KAZN: variants seen among roughly 807,000 people sequenced by gnomAD.
The protein encoded by KAZN is kazrin, periplakin interacting protein, also known as kazrin.
Under a neutral mutation model 87.4 loss-of-function variants are expected in KAZN, and 40 were observed. The ratio of observed to expected loss-of-function variants is 0.46; its 90% confidence interval spans 0.36 to 0.60. The LOEUF (loss-of-function observed/expected upper bound fraction) is 0.60, where lower values mean the gene tolerates loss of function less well. Among genes scored for constraint, KAZN ranks in the 20% least tolerant of loss-of-function variants. The probability of loss-of-function intolerance (pLI) is 0.00; values close to 1 mark genes in which losing one functional copy is unlikely to be tolerated. For synonymous variants in KAZN, 466 were observed against 458.3 expected (o/e 1.02, Z -0.22); for missense variants, 898 against 1,073.9 (o/e 0.84, Z 2.29).
chr1:14,507,383 G>A (rs1204957537), intron 2 of KAZN, among the ~76,000 whole-genome samples: 1 of 152,134 alleles, frequency 6.6e-6, no homozygotes, highest in African/African-American at 2.4e-5. Flanking sequence ...CAGCTGCTCG[G>A]AGAAGTAAAA....
At chr1:14,544,891 C>T (rs970982799) in intron 2 of KAZN, among the ~76,000 whole-genome samples, 3 of 152,052 alleles carry the variant, frequency 2.0e-5, no homozygotes, top group African/African-American at 7.2e-5. Flanking sequence ...TGATGCCCAG[C>T]CCAGCCTTCT....
intron 2 of KAZN, among the ~76,000 whole-genome samples, chr1:14,518,470 C>A (rs1483638836): frequency 6.6e-6 from 1 of 152,150 alleles, no homozygotes; most frequent in Non-Finnish European, 1.5e-5. Flanking sequence ...AGCCACTGCA[C>A]CCAGCCTGTT....
chr1:14,312,117 GA>G (rs1655346628), intron 2 of KAZN, among the ~76,000 whole-genome samples: 1 of 151,178 alleles, frequency 6.6e-6, no homozygotes, highest in Non-Finnish European at 1.5e-5. Flanking sequence ...AAGCCATTTA[GA>G]GTATGCTACA....
intron 1 of KAZN, among the ~76,000 whole-genome samples, chr1:14,145,587 T>C (rs1474409007): frequency 1.4e-5 from 2 of 144,112 alleles, no homozygotes; most frequent in Non-Finnish European, 3.1e-5. Flanking sequence ...ACAGTATACC[T>C]TTTTTTTTTT....
intron 1 of KAZN, among the ~76,000 whole-genome samples, chr1:14,743,585 C>T (rs1445557192): frequency 6.6e-6 from 1 of 152,154 alleles, no homozygotes; most frequent in African/African-American, 2.4e-5. Flanking sequence ...GGTTCCCAGA[C>T]ATGATGAGTC....
In KAZN at chr1:14,626,117, C is replaced by A. The variant is rs111897939; in HGVS notation, c.226+26894C>A. Among the ~76,000 whole-genome samples, 1,394 of 152,292 alleles carry A rather than the reference C, an allele frequency of 9.2e-3. 24 individuals are homozygous for A. The highest frequency in any genetic ancestry group is 0.031 in the African/African-American group (1,268 of 41,558). ...TGGGGCTGCGGAATTCTGGCCCCAG[C>A]CAACTGGACTGAGCCCTGCTGAGAG... On this transcript the variant is annotated intron_variant, in intron 1 of 14. Coordinates refer to ENST00000376030, the MANE Select transcript of KAZN (RefSeq NM_201628.3).
At chr1:14,447,801 A>C (rs1308346553) in intron 2 of KAZN, among the ~76,000 whole-genome samples, 2 of 152,104 alleles carry the variant, frequency 1.3e-5, no homozygotes, top group African/African-American at 4.8e-5. Context: ...CAACAACATC[A>C]AAGGGTGGAT....
intron 3 of KAZN, among the ~76,000 whole-genome samples, chr1:15,042,465 GA>G: frequency 6.6e-6 from 1 of 152,210 alleles, no homozygotes; most frequent in East Asian, 1.9e-4. Context: ...CTTCTCAGAG[GA>G]GGAGACAATT....
At chr1:15,110,115 GTGT>G (rs1641476419) in intron 13 of KAZN, among the ~76,000 whole-genome samples, 1 of 103,066 alleles carries the variant, frequency 9.7e-6, no homozygotes, top group Non-Finnish European at 2.2e-5. Flanking sequence ...GTATTTGTGT[GTGT>G]ATTTGTGTAT....
At chr1:14,023,022 C>G (rs1640918378) in intron 1 of KAZN, among the ~76,000 whole-genome samples, 1 of 152,150 alleles carries the variant, frequency 6.6e-6, no homozygotes, top group Non-Finnish European at 1.5e-5. Context: ...AAAATGTCAA[C>G]AGTACTCATT....
chr1:14,193,669 T>G (rs1433584603), intron 2 of KAZN, among the ~76,000 whole-genome samples: 6 of 152,106 alleles, frequency 3.9e-5, no homozygotes, highest in South Asian at 2.1e-4. Flanking sequence ...GTGTTTTTTT[T>G]TTTTTTTTTT....
chr1:14,627,472 C>G (rs1557847319), intron 1 of KAZN, among the ~76,000 whole-genome samples: 2 of 152,116 alleles, frequency 1.3e-5, no homozygotes, highest in African/African-American at 4.8e-5. Context: ...CTGCACAGGC[C>G]TGATACGATC....
At chr1:14,667,270 T>A (rs1170704815) in intron 1 of KAZN, among the ~76,000 whole-genome samples, 1 of 151,874 alleles carries the variant, frequency 6.6e-6, no homozygotes, top group Admixed American at 6.6e-5. Flanking sequence ...TAGAACAGAG[T>A]CCATCAGCAT....
intron 1 of KAZN, among the ~76,000 whole-genome samples, chr1:14,880,189 C>T (rs1232664130): frequency 6.6e-6 from 1 of 152,162 alleles, no homozygotes; most frequent in Non-Finnish European, 1.5e-5. Flanking sequence ...ATGATAATGG[C>T]AACTATACTA....
intron 1 of KAZN, among the ~76,000 whole-genome samples, chr1:14,015,189 C>A (rs917937717): frequency 2.6e-5 from 4 of 152,080 alleles, no homozygotes; most frequent in African/African-American, 9.7e-5. Context: ...CTACTGGTGG[C>A]CAACATTATG....
chr1:14,037,660 G>T (rs1282136387), intron 1 of KAZN, among the ~76,000 whole-genome samples: 2 of 152,174 alleles, frequency 1.3e-5, no homozygotes, highest in Non-Finnish European at 2.9e-5. Context: ...AGAAGCAGCT[G>T]TCAGCATGTC....
intron 2 of KAZN, among the ~76,000 whole-genome samples, chr1:14,971,127 A>G (rs1557672747): frequency 1.3e-5 from 2 of 152,106 alleles, no homozygotes; most frequent in African/African-American, 4.8e-5. Flanking sequence ...GCCGGATGCA[A>G]TGGCTCATGC....
intron 2 of KAZN, among the ~76,000 whole-genome samples, chr1:14,258,674 T>C (rs1338659767): frequency 6.6e-6 from 1 of 152,220 alleles, no homozygotes; most frequent in Non-Finnish European, 1.5e-5. Context: ...TTCTCAAATG[T>C]TTGACTTCAT....
chr1:14,327,830 T>A (rs1197357443), intron 2 of KAZN, among the ~76,000 whole-genome samples: 2 of 152,146 alleles, frequency 1.3e-5, no homozygotes, highest in African/African-American at 4.8e-5. Context: ...AGGGAAAGGA[T>A]CCCCTTTCAC....
Sources: gnomAD v4.1 joint callset for allele counts (sites outside exome capture counted in the v4.1 genomes callset) on GRCh38, gnomAD v4.1.1 for gene constraint, MANE v1.5 for transcripts, NCBI Gene and HGNC (gene_info 2026-07-23, HGNC 2026-07-21) for gene names.